PCDHGB2: variants seen among roughly 807,000 people sequenced by gnomAD.
The protein encoded by PCDHGB2 is protocadherin gamma subfamily B, 2, also known as protocadherin gamma-B2.
A neutral mutation model predicts 59.3 loss-of-function variants in PCDHGB2; 55 were observed. The ratio of observed to expected loss-of-function variants is 0.93; its 90% CI spans 0.75 to 1.16. PCDHGB2 has a LOEUF of 1.16. Among genes scored for constraint, PCDHGB2 ranks in the 50% most tolerant of loss-of-function variants. The pLI is 0.00. For synonymous variants in PCDHGB2, 516 were observed against 512.0 expected (o/e 1.01, Z -0.11); for missense variants, 1,228 against 1,198.5 (o/e 1.02, Z -0.36).
At chr5:141,374,469 A>G in intron 1 of PCDHGB2, 1 of 1,612,698 alleles carries the variant, frequency 6.2e-7, no homozygotes, top group Non-Finnish European at 8.5e-7. Flanking sequence ...ATTAATGACA[A>G]TACACCCCGA....
chr5:141,365,466 A>T (rs1456535652), intron 1 of PCDHGB2: 2 of 1,614,016 alleles, frequency 1.2e-6, no homozygotes, highest in Non-Finnish European at 1.7e-6. Context: ...TCTGGAGAAA[A>T]TGGTGAGATT....
rs775290219 is a variant in PCDHGB2 at position 141,423,576 on chromosome 5, G to A, written c.2421+61020G>A. On this transcript the variant is annotated intron_variant, in intron 1 of 3. Transcript: ENST00000522605. ...ACTATGGGGACACGCTCATCAGCCAGGAGAGCTGTGAGAAAAGCGAGCCAC... is the reference window on the plus strand; with the variant it reads ...ACTATGGGGACACGCTCATCAGCCAAGAGAGCTGTGAGAAAAGCGAGCCAC... The A allele has an allele frequency of 1.9e-6, 3 of 1,613,588 alleles. No homozygotes were observed. In the Admixed American group the frequency reaches 5.0e-5, roughly 27 times the overall value.
At chr5:141,394,327 T>C (rs747533347) in intron 1 of PCDHGB2, 1 of 1,613,944 alleles carries the variant, frequency 6.2e-7, no homozygotes. Context: ...TCCTCGTATA[T>C]CTCCATCAAC....
Position 141,432,530 on chromosome 5 carries a change from G to C in PCDHGB2, c.2422-62277G>C. On this transcript the variant is annotated intron_variant, in intron 1 of 3. Transcript: ENST00000522605. This position sits in a 1 kb window ranked among gnomAD's most constrained non-coding sequence, Gnocchi z 6.0. ...AGAGCCCGGCTACCTGGTGACCAAG[G>C]TGGTGGCGGTGGACAGAGACTCCGG... 6.2e-7 allele frequency: 1 copy of C among 1,614,076 alleles called. No homozygotes were observed. Among genetic ancestry groups the C allele is most frequent in the South Asian group, 1.1e-5 (1 of 91,082 alleles).
chr5:141,419,523 G>T (rs553587727), intron 1 of PCDHGB2: 21 of 1,612,086 alleles, frequency 1.3e-5, no homozygotes, highest in East Asian at 2.2e-5. Flanking sequence ...GTGGGCGACC[G>T]TAACGACAAC....
rs2096205933 is a variant in PCDHGB2, at chr5:141,417,998, G to C, written c.2421+55442G>C. ...GGAGGAGCTGGCCAAGGGCTCGGTGGTGGGGAACCTCGCTAAGGATCTAGG... is the reference window on the plus strand; with the variant it reads ...GGAGGAGCTGGCCAAGGGCTCGGTGCTGGGGAACCTCGCTAAGGATCTAGG... On this transcript the variant is annotated intron_variant, in intron 1 of 3. Transcript: ENST00000522605. The C allele has an allele frequency of 1.9e-6, 3 of 1,613,928 alleles. No individual in the cohort carries two copies. The East Asian group carries it at 6.7e-5, about 36-fold the overall frequency.
chr5:141,381,186 GC>G (rs1489730819), intron 1 of PCDHGB2, among the ~76,000 whole-genome samples: 7 of 152,226 alleles, frequency 4.6e-5, no homozygotes, highest in Non-Finnish European at 7.3e-5. Flanking sequence ...ACGAAGTTAA[GC>G]TTTCTTAGTG....
At chr5:141,437,878 C>A (rs1047761465) in intron 1 of PCDHGB2, among the ~76,000 whole-genome samples, 13 of 151,996 alleles carry the variant, frequency 8.6e-5, no homozygotes, top group Non-Finnish European at 1.5e-4. Flanking sequence ...GCTGGGACTA[C>A]AGGCACACGC....
intron 1 of PCDHGB2, chr5:141,374,222 A>G (rs1770285698): frequency 1.2e-6 from 2 of 1,613,902 alleles, no homozygotes; most frequent in South Asian, 1.1e-5. Flanking sequence ...CTTCGTAGGC[A>G]ACATCGTCAA....
At chr5:141,497,020 C>T (rs138768677) in intron 2 of PCDHGB2, among the ~76,000 whole-genome samples, 8 of 152,122 alleles carry the variant, frequency 5.3e-5, no homozygotes, top group African/African-American at 1.7e-4. Flanking sequence ...GAAACCCCAT[C>T]TCGATTAAAA....
At chr5:141,364,592 G>A in intron 1 of PCDHGB2, 1 of 1,614,210 alleles carries the variant, frequency 6.2e-7, no homozygotes, top group East Asian at 2.2e-5. Flanking sequence ...GGTCACCGCG[G>A]GCAGGATAGA....
At chr5:141,419,533 C>T in intron 1 of PCDHGB2, 1 of 1,612,106 alleles carries the variant, frequency 6.2e-7, no homozygotes, top group Non-Finnish European at 8.5e-7. Context: ...GTAACGACAA[C>T]GCACCGCGGG....
In PCDHGB2 at chr5:141,432,399, C is replaced by T. The variant is rs2097496727; in HGVS notation, c.2422-62408C>T. ...CACCCGCCCCTCAGCAGCAACGTGT[C>T]GTTGAGCCTGTTCGTGCTGGACCAG... is the stretch of plus-strand genomic sequence containing the variant. On this transcript the variant is annotated intron_variant, in intron 1 of 3. Coordinates refer to ENST00000522605, the MANE Select transcript of PCDHGB2 (RefSeq NM_018923.3). This position sits in a 1 kb window ranked among gnomAD's most constrained non-coding sequence, Gnocchi z 6.0. 1.2e-6 allele frequency: 2 copies of T among 1,614,240 alleles called. No homozygotes were observed. Among genetic ancestry groups the T allele is most frequent in the Non-Finnish European group, 1.7e-6 (2 of 1,180,040 alleles).
intron 1 of PCDHGB2, chr5:141,399,501 C>T (rs941107702): frequency 5.6e-6 from 9 of 1,614,032 alleles, no homozygotes; most frequent in Non-Finnish European, 7.6e-6. Flanking sequence ...TCAGTGTACC[C>T]GAAAACAACC....
rs1356357111 is a variant in PCDHGB2 at position 141,370,808 on chromosome 5, T to C, written c.2421+8252T>C. 2.5e-6 allele frequency: 4 copies of C among 1,613,950 alleles called. No individual in the cohort carries two copies. The African/African-American group carries it at 5.3e-5, about 22-fold the overall frequency. On this transcript the variant is annotated intron_variant, in intron 1 of 3. Coordinates refer to ENST00000522605, the MANE Select transcript of PCDHGB2 (RefSeq NM_018923.3). ...CACCGACCTTTAGCCAAAATATCAC[T>C]GAGCTGGAAATCAGCGAACTGGCTC...
At chr5:141,403,589 A>ACGGCCT in intron 1 of PCDHGB2, 2 of 1,613,812 alleles carry the variant, frequency 1.2e-6, no homozygotes, top group Non-Finnish European at 1.7e-6. Context: ...CCTGGTCCTC[A>ACGGCCT]CGGCCTCGGA....
At position 141,491,952 on chromosome 5, in the gene PCDHGB2, C is replaced by A; in HGVS notation, c.2422-2855C>A. 9.4e-7 allele frequency: 1 copy of A among 1,062,954 alleles called. No homozygotes were observed. The allele number at this position is 1,062,954 out of a possible 1,614,324, so 65.8% of individuals were successfully genotyped here. On this transcript the variant is annotated intron_variant, in intron 1 of 3. Coordinates refer to ENST00000522605, the MANE Select transcript of PCDHGB2 (RefSeq NM_018923.3). The surrounding 1 kb of genome is among the most constrained non-coding windows in gnomAD (Gnocchi z 6.9). ...GGTGGGACCGACCCCCACCCCTACA[C>A]TCAAAAAAGGCCGGGGCCTCCTTCG...
Position 141,379,889 on chromosome 5 carries a change from C to CTTTTTTTT in PCDHGB2, c.2421+17356_2421+17363dup, listed in dbSNP as rs70988800. On this transcript the variant is annotated intron_variant, in intron 1 of 3. Transcript: ENST00000522605. ...CTTATTTTATGGTCTGTGAAAGCCT[C>CTTTTTTTT]TTTTTTTTTTTTTTTTTTTTTTTTT... Among the ~76,000 whole-genome samples the CTTTTTTTT allele has an allele frequency of 4.7e-3, 239 of 50,824 alleles. 36 individuals carry two copies. The highest frequency in any genetic ancestry group is 8.3e-3 in the African/African-American group (125 of 15,078). The allele number at this position is 50,824 out of a possible 152,430, so 33.3% of individuals were successfully genotyped here.
intron 1 of PCDHGB2, among the ~76,000 whole-genome samples, chr5:141,435,150 C>G (rs1256233613): frequency 6.6e-6 from 1 of 152,006 alleles, no homozygotes; most frequent in Non-Finnish European, 1.5e-5. Context: ...TTGTGATAAA[C>G]TTTTGTAAAT....
Sources: gnomAD v4.1 joint callset for allele counts (sites outside exome capture counted in the v4.1 genomes callset) on GRCh38, gnomAD v4.1.1 for gene constraint, Gnocchi (gnomAD v3.1) non-coding constraint, MANE v1.5 for transcripts, NCBI Gene and HGNC (gene_info 2026-07-23, HGNC 2026-07-21) for gene names.